TMEM184A: variants seen among roughly 807,000 people sequenced by gnomAD.
TMEM184A encodes the protein transmembrane protein 184A.
A neutral mutation model predicts 39.5 loss-of-function variants in TMEM184A; 40 were observed. That is an observed-to-expected ratio of 1.01 (90% CI 0.79 to 1.32). TMEM184A has a LOEUF of 1.32. Among genes scored for constraint, TMEM184A ranks in the 40% most tolerant of loss-of-function variants. The pLI, the probability that TMEM184A is intolerant of heterozygous loss-of-function variation, is 0.00. For missense variants in TMEM184A, 603 were observed against 568.8 expected, an observed-to-expected ratio of 1.06 and a Z score of -0.61; for synonymous variants, 280 against 252.3, an observed-to-expected ratio of 1.11 and a Z score of -1.04.
intron 6 of TMEM184A, 81 bp from the exon 7 acceptor site, chr7:1,548,769 C>G (rs1784457194): frequency 1.3e-6 from 2 of 1,506,528 alleles, no homozygotes; most frequent in African/African-American, 2.8e-5. Flanking sequence ...CCGCTGCACC[C>G]TCAGCCTGGT....
intron 2 of TMEM184A, among the ~76,000 whole-genome samples, chr7:1,551,384 G>A (rs868637592): frequency 2.2e-4 from 16 of 71,892 alleles, no homozygotes; most frequent in African/African-American, 6.1e-4. Flanking sequence ...AGCCGGGTCC[G>A]CCTGGTACCC....
At position 1,550,152 on chromosome 7, in the gene TMEM184A, A is replaced by G. The variant is rs940900618; in HGVS notation, c.523T>C (p.Ser175Pro). 4 of 1,607,760 alleles carry G rather than the reference A, an allele frequency of 2.5e-6. No individual in the cohort carries two copies. The highest frequency in any genetic ancestry group is 3.4e-6 in the Non-Finnish European group (4 of 1,177,920). The change falls in exon 5 of 9, where the codon TCC becomes CCC. Residue 175 changes from serine to proline, a missense_variant. By Grantham distance (74) the Ser-to-Pro change is moderately conservative. Transcript: ENST00000297477. Reference sequence around the variant, plus strand: ...TTACAGAAGCGCAGGAACCCGATGGAGTAGGTCATGCCCCGGAGGCAGCAG... The same window carrying G: ...TTACAGAAGCGCAGGAACCCGATGGGGTAGGTCATGCCCCGGAGGCAGCAG... ...GTCCLRGMTY[S>P]IGFLRFCKQA... is the part of the protein sequence containing the mutation.
chr7:1,549,620 T>C (rs1367924382), intron 6 of TMEM184A: 2 of 639,698 alleles, frequency 3.1e-6, no homozygotes, highest in Non-Finnish European at 5.9e-6. Flanking sequence ...GGAGAAGAAG[T>C]GGGTACCTGT....
intron 3 of TMEM184A, 117 bp downstream of exon 3, chr7:1,550,700 C>A (rs1562559657): frequency 2.2e-6 from 3 of 1,340,752 alleles, no homozygotes; most frequent in African/African-American, 1.4e-5. Flanking sequence ...GGCAGCCCCT[C>A]TGACGGGCCG....
At chr7:1,548,871 G>A (rs777477328) in intron 6 of TMEM184A, 183 bp from the exon 7 acceptor site, 3 of 769,484 alleles carry the variant, frequency 3.9e-6, no homozygotes, top group East Asian at 5.4e-5. Flanking sequence ...TGGGGAGCTG[G>A]GGGTGGCTGG....
intron 2 of TMEM184A, among the ~76,000 whole-genome samples, chr7:1,554,675 CGCTTCTCTACCTGGGG>C (rs1351126170): frequency 6.6e-6 from 1 of 152,234 alleles, no homozygotes; most frequent in Non-Finnish European, 1.5e-5. Context: ...AGCGCCTGGC[CGCTTCTCTACCTGGGG>C]GCTGTTCTGT....
chr7:1,556,156 G>T lies in TMEM184A; in HGVS notation c.-43C>A, dbSNP rs1029359917. On this transcript the variant is annotated 5_prime_UTR_variant, in exon 1 of 9. Coordinates refer to ENST00000297477, the MANE Select transcript of TMEM184A (RefSeq NM_001097620.2). Reference sequence around the variant, plus strand: ...ACCTGGCCCAGTCCAGGGAGGCCTGGCCTCCAGGGAAGCCTAGCTGGTCAT... The same window carrying T: ...ACCTGGCCCAGTCCAGGGAGGCCTGTCCTCCAGGGAAGCCTAGCTGGTCAT... The T allele has an allele frequency of 1.3e-5, 2 of 152,534 alleles. No individual in the cohort carries two copies. The highest frequency in any genetic ancestry group is 4.8e-5 in the African/African-American group (2 of 41,458). 9.4% of individuals were successfully genotyped at this position (152,534 alleles called of 1,614,324 possible).
chr7:1,554,877 C>G (rs983262604), intron 2 of TMEM184A, among the ~76,000 whole-genome samples: 4 of 152,208 alleles, frequency 2.6e-5, no homozygotes, highest in Non-Finnish European at 5.9e-5. Flanking sequence ...CCAGCCTTCT[C>G]CAGGGTGTCA....
intron 7 of TMEM184A, 147 bp from the exon 8 acceptor site, chr7:1,548,086 G>A: frequency 1.1e-6 from 1 of 949,074 alleles, no homozygotes; most frequent in Non-Finnish European, 1.5e-6. Flanking sequence ...AGGTTCAGGG[G>A]GGCAGGGCGC....
intron 5 of TMEM184A, 62 bp downstream of exon 5, chr7:1,550,061 C>T (rs763611543): frequency 1.2e-4 from 147 of 1,266,758 alleles, no homozygotes; most frequent in Non-Finnish European, 1.3e-4. Flanking sequence ...GGCGCTGGGC[C>T]GGCTAGGGCC....
chr7:1,546,655 C>A lies in TMEM184A; in HGVS notation c.*297G>T. On this transcript the variant is annotated 3_prime_UTR_variant, in exon 9 of 9. Coordinates refer to ENST00000297477, the MANE Select transcript of TMEM184A (RefSeq NM_001097620.2). ...AGGCCCCGCAGCCACACTCACTCTC[C>A]GCCCCACAGTGGCTCCTGGGGCTGA... The A allele has an allele frequency of 2.7e-6, 1 of 366,186 alleles. No individual in the cohort carries two copies. The highest frequency in any genetic ancestry group is 4.9e-6 in the Non-Finnish European group (1 of 204,206). The allele number at this position is 366,186 out of a possible 1,614,324, so 22.7% of individuals were successfully genotyped here. A position where few individuals can be genotyped will look rare whatever the true frequency, so the allele number is the denominator to read the frequency against.
Position 1,555,522 on chromosome 7 carries a change from G to C in TMEM184A, c.1-38C>G, listed in dbSNP as rs756443196. 1.3e-6 allele frequency: 2 copies of C among 1,537,134 alleles called. No individual in the cohort carries two copies. Among genetic ancestry groups the C allele is most frequent in the Non-Finnish European group, 1.8e-6 (2 of 1,124,398 alleles). On this transcript the variant is annotated intron_variant, in intron 1 of 8. Coordinates refer to ENST00000297477, the MANE Select transcript of TMEM184A (RefSeq NM_001097620.2). The surrounding 1 kb of genome is among the most constrained non-coding windows in gnomAD (Gnocchi z 5.2). Reference sequence around the variant, plus strand: ...GGAGGACACACACCGGGAGGAGTGAGGGCAAAGGTACTGGCTCCCGGCAGC... The same window carrying C: ...GGAGGACACACACCGGGAGGAGTGACGGCAAAGGTACTGGCTCCCGGCAGC...
At chr7:1,548,086 G>T in intron 7 of TMEM184A, 147 bp from the exon 8 acceptor site, 1 of 949,074 alleles carries the variant, frequency 1.1e-6, no homozygotes, top group Non-Finnish European at 1.5e-6. Context: ...AGGTTCAGGG[G>T]GGCAGGGCGC....
chr7:1,550,072 CCT>C, intron 5 of TMEM184A, 49 bp downstream of exon 5: 2 of 1,584,436 alleles, frequency 1.3e-6, no homozygotes, highest in Non-Finnish European at 1.7e-6. Context: ...GGCTAGGGCC[CCT>C]GACGGGCTTG....
intron 2 of TMEM184A, among the ~76,000 whole-genome samples, 170 bp from the exon 3 acceptor site, chr7:1,551,152 C>T (rs13229121): frequency 5.4e-4 from 34 of 62,498 alleles, no homozygotes; most frequent in Non-Finnish European, 7.3e-4. Flanking sequence ...TGGGGGTGGG[C>T]GCAGGAGGGT....
intron 2 of TMEM184A, among the ~76,000 whole-genome samples, chr7:1,554,537 C>A (rs1414313057): frequency 1.3e-5 from 2 of 152,218 alleles, no homozygotes; most frequent in Non-Finnish European, 2.9e-5. Context: ...CCTGCGCACA[C>A]CGCCCTGGCC....
rs973326092 is a variant in TMEM184A at position 1,542,284 on chromosome 7, A to G, written c.*4668T>C. The G allele has an allele frequency of 1.3e-5, 2 of 152,650 alleles. No individual in the cohort carries two copies. The highest frequency in any genetic ancestry group is 1.9e-4 in the East Asian group (1 of 5,194). 9.5% of individuals were successfully genotyped at this position (152,650 alleles called of 1,614,324 possible). ...GTTTATCTACAGATTTTTCGTAACA[A>G]TCTTTCTTTTCCAGTTTGATACTGT... On this transcript the variant is annotated 3_prime_UTR_variant, in exon 9 of 9. Coordinates refer to ENST00000297477, the MANE Select transcript of TMEM184A (RefSeq NM_001097620.2).
At position 1,550,709 on chromosome 7, in the gene TMEM184A, C is replaced by T. The variant is rs527981722; in HGVS notation, c.385+108G>A. 3.9e-5 allele frequency: 55 copies of T among 1,407,520 alleles called. No homozygotes were observed. The African/African-American group carries it at 6.7e-4, about 17-fold the overall frequency. 87.2% of individuals were successfully genotyped at this position (1,407,520 alleles called of 1,614,324 possible). On this transcript the variant is annotated intron_variant, in intron 3 of 8. Transcript: ENST00000297477. ...TATCCTGGCAGCCCCTCTGACGGGCCGGGAGAGTGGGGTGCCCTGGGGACT... is the reference window on the plus strand; with the variant it reads ...TATCCTGGCAGCCCCTCTGACGGGCTGGGAGAGTGGGGTGCCCTGGGGACT...
Position 1,548,524 on chromosome 7 carries a change from C to A in TMEM184A, c.809G>T (p.Trp270Leu), listed in dbSNP as rs750734342. 4 of 1,612,092 alleles carry A rather than the reference C, an allele frequency of 2.5e-6. No individual in the cohort carries two copies. In the South Asian group the frequency reaches 4.4e-5, roughly 18 times the overall value. ...GCCCCACCTGCCCCACACACCTTGC[C>A]AGAACGACAGGAAGATGACGGCTTT... ...TIKAVIFLSFWQGLLLAILER... is the reference protein window; with the variant it reads ...TIKAVIFLSFLQGLLLAILER... Residue 270 changes from tryptophan to leucine, a missense_variant, in exon 7 of 9, where the codon TGG becomes TTG. Coordinates refer to ENST00000297477, the MANE Select transcript of TMEM184A (RefSeq NM_001097620.2).
Sources: gnomAD v4.1 joint callset for allele counts (sites outside exome capture counted in the v4.1 genomes callset) on GRCh38, gnomAD v4.1.1 for gene constraint, Gnocchi (gnomAD v3.1) non-coding constraint, MANE v1.5 for transcripts, NCBI Gene and HGNC (gene_info 2026-07-23, HGNC 2026-07-21) for gene names.